The following RAC1 variants were observed in gnomAD, a reference collection of about 807,000 sequenced individuals.
The protein encoded by RAC1 is Rac family small GTPase 1, also known as ras-related C3 botulinum toxin substrate 1.
A neutral mutation model predicts 25.2 loss-of-function variants in RAC1; 2 were observed. That is an observed-to-expected ratio of 0.08 (90% CI 0.03 to 0.25). The LOEUF (loss-of-function observed/expected upper bound fraction) is 0.25. Among genes scored for constraint, RAC1 ranks in the 10% least tolerant of loss-of-function variants. The pLI is 1.00. For missense variants in RAC1, 50 were observed against 235.7 expected (o/e 0.21, Z 5.16); for synonymous variants, 88 against 94.0 (o/e 0.94, Z 0.37).
At chr7:6,388,135 A>G (rs1366097688) in intron 2 of RAC1, among the ~76,000 whole-genome samples, 1 of 152,024 alleles carries the variant, frequency 6.6e-6, no homozygotes, top group Non-Finnish European at 1.5e-5. Flanking sequence ...GGGTGGAGAC[A>G]GGAAAGTGCT....
At chr7:6,390,637 C>G (rs1414999831) in intron 2 of RAC1, among the ~76,000 whole-genome samples, 1 of 151,694 alleles carries the variant, frequency 6.6e-6, no homozygotes, top group African/African-American at 2.4e-5. Flanking sequence ...ACCACCTCTC[C>G]CTCAGAATTG....
intron 1 of RAC1, among the ~76,000 whole-genome samples, chr7:6,377,636 C>T (rs1022012950): frequency 6.6e-6 from 1 of 151,966 alleles, no homozygotes; most frequent in Non-Finnish European, 1.5e-5. Context: ...CGTCTTTGGC[C>T]GGGCACGGTA....
At position 6,403,421 on chromosome 7, in the gene RAC1, C is replaced by T. The variant is rs1421600954; in HGVS notation, c.*975C>T. 4.7e-6 allele frequency: 1 copy of T among 213,916 alleles called. No individual in the cohort carries two copies. Among genetic ancestry groups the T allele is most frequent in the Non-Finnish European group, 9.5e-6 (1 of 105,820 alleles). The allele number at this position is 213,916 out of a possible 1,614,324, so 13.3% of individuals were successfully genotyped here. ...TTAGTAAGTGCTTTTCTTATAGAACCCCTTCTGACTGAGCAATATGCCTCC... is the reference window on the plus strand; with the variant it reads ...TTAGTAAGTGCTTTTCTTATAGAACTCCTTCTGACTGAGCAATATGCCTCC... On this transcript the variant is annotated 3_prime_UTR_variant, in exon 6 of 6. Coordinates refer to ENST00000348035, the MANE Select transcript of RAC1 (RefSeq NM_006908.5).
At chr7:6,400,617 C>T (rs1481801245) in intron 4 of RAC1, among the ~76,000 whole-genome samples, 1 of 152,086 alleles carries the variant, frequency 6.6e-6, no homozygotes, top group Non-Finnish European at 1.5e-5. Flanking sequence ...TGAGCCACTG[C>T]ATCTGGCCCA....
At chr7:6,379,986 C>G (rs142061830) in intron 1 of RAC1, among the ~76,000 whole-genome samples, 51 of 152,338 alleles carry the variant, frequency 3.3e-4, no homozygotes, top group African/African-American at 1.2e-3. Flanking sequence ...GAAGCCCTCT[C>G]TGTTTCACTC....
At chr7:6,382,617 A>G (rs11514801) in intron 1 of RAC1, among the ~76,000 whole-genome samples, 27,727 of 152,230 alleles carry the variant, frequency 0.18, 3,001 homozygotes, top group Non-Finnish European at 0.24. Flanking sequence ...TAACCCCAGC[A>G]CTTTGGGAGG....
At chr7:6,381,346 C>G (rs1268781469) in intron 1 of RAC1, among the ~76,000 whole-genome samples, 2 of 150,628 alleles carry the variant, frequency 1.3e-5, no homozygotes, top group African/African-American at 4.9e-5. Context: ...AAACTTTATG[C>G]ACTATCTTAA....
intron 1 of RAC1, among the ~76,000 whole-genome samples, chr7:6,375,282 G>A (rs1782549146): frequency 6.6e-6 from 1 of 152,028 alleles, no homozygotes; most frequent in East Asian, 1.9e-4. Flanking sequence ...CATAGACGGG[G>A]TCTCGCTGTG....
chr7:6,374,831 C>T, intron 1 of RAC1, 61 bp downstream of exon 1: 1 of 1,070,172 alleles, frequency 9.3e-7, no homozygotes, highest in Non-Finnish European at 1.1e-6. Context: ...GGGGGTTGGG[C>T]CCGGACTGGG....
intron 3 of RAC1, among the ~76,000 whole-genome samples, chr7:6,392,342 G>C (rs1046847498): frequency 6.6e-6 from 1 of 152,158 alleles, no homozygotes; most frequent in Non-Finnish European, 1.5e-5. Context: ...ACACCAATTA[G>C]TTTGAAGGCA....
At chr7:6,399,958 T>TG in intron 3 of RAC1, 168 bp from the exon 4 acceptor site, 2 of 623,224 alleles carry the variant, frequency 3.2e-6, no homozygotes, top group Non-Finnish European at 2.9e-6. Flanking sequence ...GGGTTTGGTT[T>TG]GGGAGCCCTC....
chr7:6,376,704 G>A (rs836492), intron 1 of RAC1, among the ~76,000 whole-genome samples: 4 of 125,298 alleles, frequency 3.2e-5, no homozygotes, highest in Non-Finnish European at 6.4e-5. Context: ...TTTTTTTGGT[G>A]GAGACGGAGT....
At chr7:6,392,078 A>G in intron 3 of RAC1, 37 bp downstream of exon 3, 1 of 1,612,168 alleles carries the variant, frequency 6.2e-7, no homozygotes, top group Non-Finnish European at 8.5e-7. Context: ...TGTCTTTTAG[A>G]GTATATAATT....
intron 2 of RAC1, chr7:6,391,673 C>G (rs936569404): frequency 4.2e-6 from 2 of 472,472 alleles, no homozygotes; most frequent in African/African-American, 3.9e-5. Context: ...TTATTTCTGA[C>G]GGTGATTTGT....
chr7:6,387,225 A>G lies in RAC1; in HGVS notation c.49A>G (p.Thr17Ala). The change falls in exon 2 of 6, where the codon ACT becomes GCT. Residue 17 changes from threonine to alanine, a missense_variant. Physicochemically the swap from Thr to Ala is moderately conservative, Grantham distance 58 (BLOSUM62 0). Transcript: ENST00000348035. ...CTTTCTCTTTAGAGCTGTAGGTAAAACTTGCCTACTGATCAGTTACACAAC... is the reference window on the plus strand; with the variant it reads ...CTTTCTCTTTAGAGCTGTAGGTAAAGCTTGCCTACTGATCAGTTACACAAC... ...VVVGDGAVGK[T>A]CLLISYTTNA... The G allele has an allele frequency of 6.4e-7, 1 of 1,567,508 alleles. No homozygotes were observed.
Position 6,374,666 on chromosome 7 carries a change from C to T in RAC1, c.-70C>T, listed in dbSNP as rs1782527335. 12 of 1,023,882 alleles carry T rather than the reference C, an allele frequency of 1.2e-5. No individual in the cohort carries two copies. The highest frequency in any genetic ancestry group is 1.4e-5 in the Non-Finnish European group (12 of 849,176). 63.4% of individuals were successfully genotyped at this position (1,023,882 alleles called of 1,614,324 possible). On this transcript the variant is annotated 5_prime_UTR_variant, in exon 1 of 6. Coordinates refer to ENST00000348035, the MANE Select transcript of RAC1 (RefSeq NM_006908.5). ...GCCCGCAAGCCGCGCGCCCGTCCGC[C>T]GCGCCCCGAGCCCGCCGCTTCCTAT...
intron 4 of RAC1, among the ~76,000 whole-genome samples, chr7:6,400,770 G>T (rs1783376941): frequency 6.6e-6 from 1 of 152,102 alleles, no homozygotes; most frequent in Non-Finnish European, 1.5e-5. Context: ...CCGCCTCCTG[G>T]GTTCAAGTGA....
At position 6,391,920 on chromosome 7, in the gene RAC1, A is replaced by G. The variant is rs375665540; in HGVS notation, c.108-4A>G. 259 of 1,613,914 alleles carry G rather than the reference A, an allele frequency of 1.6e-4. No homozygotes were observed. Among genetic ancestry groups the G allele is most frequent in the Non-Finnish European group, 2.0e-4 (241 of 1,179,970 alleles). ...TGACTAACCATTTTCATTCCATTCT[A>G]CAGCTTTGACAATTATTCTGCCAAT... is the stretch of plus-strand genomic sequence containing the variant. On this transcript the variant is annotated splice_region_variant and splice_polypyrimidine_tract_variant and intron_variant, in intron 2 of 5. Coordinates refer to ENST00000348035, the MANE Select transcript of RAC1 (RefSeq NM_006908.5).
At chr7:6,378,547 G>GA (rs896477471) in intron 1 of RAC1, among the ~76,000 whole-genome samples, 20 of 149,092 alleles carry the variant, frequency 1.3e-4, no homozygotes, top group African/African-American at 3.4e-4. Flanking sequence ...GCTCTGTCTT[G>GA]AAAAAAAAAG....
Sources: gnomAD v4.1 joint callset for allele counts (sites outside exome capture counted in the v4.1 genomes callset) on GRCh38, gnomAD v4.1.1 for gene constraint, MANE v1.5 for transcripts, NCBI Gene and HGNC (gene_info 2026-07-23, HGNC 2026-07-21) for gene names.